Variants in MIS18A observed in about 807,000 individuals in gnomAD.
The protein encoded by MIS18A is protein Mis18-alpha.
In MIS18A, 14 loss-of-function variants were observed where a neutral mutation model predicts 25.0. The observed-to-expected ratio is 0.56, with a 90% CI of 0.37 to 0.88. MIS18A has a LOEUF of 0.88. Ranked by LOEUF, MIS18A falls within the 40% of genes least tolerant of loss-of-function variation. The probability of loss-of-function intolerance (pLI) is 0.00; values close to 1 mark genes in which losing one functional copy is unlikely to be tolerated. For missense variants in MIS18A, 292 were observed against 290.8 expected, an observed-to-expected ratio of 1.00 and a Z score of -0.03; for synonymous variants, 134 against 118.6, an observed-to-expected ratio of 1.13 and a Z score of -0.84.
chr21:32,265,341 G>A (rs567826650), downstream of MIS18A, among the ~76,000 whole-genome samples: 10 of 152,348 alleles, frequency 6.6e-5, no homozygotes, highest in East Asian at 1.2e-3. Context: ...GGAGAGGCAC[G>A]AGCGGGAACT....
chr21:32,172,032 T>C, the MIS18A span, among the ~76,000 whole-genome samples: 1 of 151,976 alleles, frequency 6.6e-6, no homozygotes, highest in South Asian at 2.1e-4. Flanking sequence ...AAAAGGTATA[T>C]GAAAAGGCAC....
At chr21:32,201,729 C>G in the MIS18A span, among the ~76,000 whole-genome samples, 1 of 152,090 alleles carries the variant, frequency 6.6e-6, no homozygotes, top group African/African-American at 2.4e-5. Context: ...AGGAGAATCA[C>G]TTGAGCCTAG....
chr21:32,192,828 T>A, the MIS18A span, among the ~76,000 whole-genome samples: 1 of 152,228 alleles, frequency 6.6e-6, no homozygotes, highest in Non-Finnish European at 1.5e-5. Flanking sequence ...GTCACCCATG[T>A]GGCCCACCTA....
chr21:32,250,341 T>C, the MIS18A span, among the ~76,000 whole-genome samples: 4 of 152,202 alleles, frequency 2.6e-5, no homozygotes, highest in African/African-American at 9.7e-5. Context: ...TTTATAGATA[T>C]GTAGATGTAA....
the MIS18A span, among the ~76,000 whole-genome samples, chr21:32,208,094 G>T: frequency 6.6e-6 from 1 of 152,208 alleles, no homozygotes. Flanking sequence ...AAGCTTTAGT[G>T]TACTTCTTTT....
At chr21:32,271,402 A>G (rs2123465203) in intron 2 of MIS18A, among the ~76,000 whole-genome samples, 1 of 152,350 alleles carries the variant, frequency 6.6e-6, no homozygotes, top group Middle Eastern at 3.4e-3. Context: ...CTATCAAGCA[A>G]AAGGGAGCTA....
At chr21:32,209,632 T>A in the MIS18A span, among the ~76,000 whole-genome samples, 1 of 152,158 alleles carries the variant, frequency 6.6e-6, no homozygotes, top group African/African-American at 2.4e-5. Context: ...AAATCTCACC[T>A]TGAATTGTAG....
the MIS18A span, among the ~76,000 whole-genome samples, chr21:32,263,086 C>A: frequency 1.0e-2 from 1,518 of 152,218 alleles, 75 homozygotes; most frequent in Admixed American, 0.084. Context: ...CAGATTAGAT[C>A]AAAAAATAAG....
the MIS18A span, among the ~76,000 whole-genome samples, chr21:32,227,433 T>C: frequency 1.3e-5 from 2 of 151,514 alleles, no homozygotes; most frequent in Admixed American, 6.6e-5. Context: ...CAATGGGCAA[T>C]TGTACACCAA....
the MIS18A span, among the ~76,000 whole-genome samples, chr21:32,166,107 A>C: frequency 6.6e-6 from 1 of 152,212 alleles, no homozygotes; most frequent in Admixed American, 6.5e-5. Context: ...AGGGTGGACA[A>C]CTACAAAAGA....
the MIS18A span, among the ~76,000 whole-genome samples, chr21:32,252,628 A>G: frequency 2.0e-5 from 3 of 152,206 alleles, no homozygotes; most frequent in African/African-American, 7.2e-5. Flanking sequence ...CGCTGTCAGA[A>G]GTATCCCTTC....
At chr21:32,171,096 G>T in the MIS18A span, among the ~76,000 whole-genome samples, 21 of 152,044 alleles carry the variant, frequency 1.4e-4, no homozygotes, top group Non-Finnish European at 2.4e-4. Flanking sequence ...GTCCATTCTT[G>T]CCTCTTCTAT....
At chr21:32,185,377 C>T in the MIS18A span, among the ~76,000 whole-genome samples, 27 of 152,332 alleles carry the variant, frequency 1.8e-4, no homozygotes, top group Non-Finnish European at 3.5e-4. Context: ...CCATTGGGCT[C>T]CTCCAGGCCA....
the MIS18A span, among the ~76,000 whole-genome samples, chr21:32,203,549 TC>T: frequency 1 from 143,089 of 143,090 alleles, 71,544 homozygotes; most frequent in Middle Eastern, 1. Flanking sequence ...AAAACACATT[TC>T]CCACCTAGCA....
rs180750393 is a variant in MIS18A at position 32,270,947 on chromosome 21, C to T, written c.402-418G>A. ...TGAATAACCTGTGTTCCAATAAACT[C>T]GTATTCACAAATGGGTGCCCGCCCC... On this transcript the variant is annotated intron_variant, in intron 2 of 4. Coordinates refer to ENST00000290130, the MANE Select transcript of MIS18A (RefSeq NM_018944.3). Among the ~76,000 whole-genome samples the T allele has an allele frequency of 4.7e-3, 714 of 152,296 alleles. 5 individuals are homozygous for T. Among genetic ancestry groups the T allele is most frequent in the Middle Eastern group, 6.8e-3 (2 of 294 alleles).
the MIS18A span, among the ~76,000 whole-genome samples, chr21:32,179,526 C>CAGT: frequency 6.6e-6 from 1 of 152,172 alleles, no homozygotes; most frequent in Non-Finnish European, 1.5e-5. Flanking sequence ...CCAGGGTAAC[C>CAGT]GCCAGTTGCA....
At chr21:32,203,496 T>TAA in the MIS18A span, among the ~76,000 whole-genome samples, 10 of 128,804 alleles carry the variant, frequency 7.8e-5, no homozygotes, top group South Asian at 2.5e-4. Context: ...CTTGGGAGCT[T>TAA]AAAAAAAAAA....
the MIS18A span, among the ~76,000 whole-genome samples, chr21:32,169,799 C>A: frequency 2.6e-5 from 4 of 152,012 alleles, no homozygotes; most frequent in Non-Finnish European, 5.9e-5. Context: ...AGTGGCCACA[C>A]ACAACAAAGA....
chr21:32,266,754 G>A (rs537284656), downstream of MIS18A, among the ~76,000 whole-genome samples: 15 of 151,912 alleles, frequency 9.9e-5, no homozygotes, highest in Non-Finnish European at 1.0e-4. Context: ...CACTCACTGC[G>A]AGAGTCCGCG....
Sources: gnomAD v4.1 joint callset for allele counts (sites outside exome capture counted in the v4.1 genomes callset) on GRCh38, gnomAD v4.1.1 for gene constraint, MANE v1.5 for transcripts, NCBI Gene and HGNC (gene_info 2026-07-23, HGNC 2026-07-21) for gene names.